Variants in PCBP4 observed in about 807,000 individuals in gnomAD.
PCBP4 encodes poly(rC)-binding protein 4.
A neutral mutation model predicts 46.2 loss-of-function variants in PCBP4; 24 were observed. The observed-to-expected ratio is 0.52, with a 90% confidence interval of 0.38 to 0.73. The LOEUF (loss-of-function observed/expected upper bound fraction) is 0.73. Ranked by LOEUF, PCBP4 falls within the 30% of genes least tolerant of loss-of-function variation. The probability of loss-of-function intolerance (pLI) is 0.00; values close to 1 mark genes in which losing one functional copy is unlikely to be tolerated. For synonymous variants in PCBP4, 203 were observed against 224.4 expected, an observed-to-expected ratio of 0.90 and a Z score of 0.85; for missense variants, 407 against 537.0, an observed-to-expected ratio of 0.76 and a Z score of 2.39.
chr3:51,962,272 G>A (rs1175508272), intron 1 of PCBP4, among the ~76,000 whole-genome samples, 184 bp from the exon 2 acceptor site: 1 of 152,186 alleles, frequency 6.6e-6, no homozygotes, highest in Admixed American at 6.5e-5. Flanking sequence ...CTGCGGGAAT[G>A]TCAAGGCCAT....
In PCBP4 at chr3:51,959,770, CTCA is replaced by C; in HGVS notation, c.516+122_517-120del. 1 of 1,467,030 alleles carries C rather than the reference CTCA, an allele frequency of 6.8e-7. No homozygotes were observed. The highest frequency in any genetic ancestry group is 2.3e-5 in the East Asian group (1 of 42,876). 90.9% of individuals were successfully genotyped at this position (1,467,030 alleles called of 1,614,324 possible). A position where few individuals can be genotyped will look rare whatever the true frequency, so the allele number is the denominator to read the frequency against. On this transcript the variant is annotated intron_variant, in intron 8 of 13. Coordinates refer to ENST00000461554, the MANE Select transcript of PCBP4 (RefSeq NM_001174100.2). The surrounding 1 kb of genome is among the most constrained non-coding windows in gnomAD (Gnocchi z 5.6). ...AGGGAAATGCACATGATCCCTGGAG[CTCA>C]TCATCCATCCCTGCAGCCCTGCCCT... is the stretch of plus-strand genomic sequence containing the variant.
intron 3 of PCBP4, 63 bp downstream of exon 3, chr3:51,961,097 G>A: frequency 6.2e-7 from 1 of 1,613,916 alleles, no homozygotes; most frequent in Non-Finnish European, 8.5e-7. Context: ...TCCCCACTGG[G>A]ATACCCAGTG....
intron 1 of PCBP4, chr3:51,963,141 G>A (rs1283433019): frequency 6.6e-6 from 1 of 152,274 alleles, no homozygotes; most frequent in African/African-American, 2.4e-5. Flanking sequence ...AAGGTGCTCA[G>A]AACATACTGA....
Position 51,960,758 on chromosome 3 carries a change from G to T in PCBP4, c.138+108C>A. On this transcript the variant is annotated intron_variant, in intron 5 of 13. Transcript: ENST00000461554. The surrounding 1 kb of genome is among the most constrained non-coding windows in gnomAD (Gnocchi z 5.0). ...GCAAGGCTCAAAACTGCCACCCTCT[G>T]GGGGACTCACTGGTCAGCCCAGAAG... 6.8e-7 allele frequency: 1 copy of T among 1,476,210 alleles called. No homozygotes were observed. The allele number at this position is 1,476,210 out of a possible 1,614,324, so 91.4% of individuals were successfully genotyped here.
In PCBP4 at chr3:51,958,258, G is replaced by A. The variant is rs201122844; in HGVS notation, c.1015C>T (p.Pro339Ser). ...APFSPPLTAL[P>S]TAPPGLLGTP... ...CCCAGCAGGCCAGGGGGAGCTGTGG[G>A]CAGGGCCGTCAGGGGTGGCGAGAAG... The change falls in exon 14 of 14, where the codon CCC becomes TCC. Residue 339 changes from proline to serine, a missense_variant. Coordinates refer to ENST00000461554, the MANE Select transcript of PCBP4 (RefSeq NM_001174100.2). This position sits in a 1 kb window ranked among gnomAD's most constrained non-coding sequence, Gnocchi z 5.4. The A allele has an allele frequency of 3.0e-5, 48 of 1,595,900 alleles. No homozygotes were observed. The highest frequency in any genetic ancestry group is 3.6e-5 in the Non-Finnish European group (42 of 1,172,148).
In PCBP4 at chr3:51,958,621, A is replaced by C. The variant is rs1009498850; in HGVS notation, c.923+169T>G. On this transcript the variant is annotated intron_variant, in intron 13 of 13. Coordinates refer to ENST00000461554, the MANE Select transcript of PCBP4 (RefSeq NM_001174100.2). This position sits in a 1 kb window ranked among gnomAD's most constrained non-coding sequence, Gnocchi z 5.4. ...TGGATATAGAGGGGGGAGATGGGGC[A>C]ACAGAGGGTGAATTAGGCAAAGACC... 6.6e-6 allele frequency among the ~76,000 whole-genome samples: 1 copy of C among 151,884 alleles called. No individual in the cohort carries two copies.
Sources: allele counts gnomAD v4.1 joint callset (sites outside exome capture counted in the v4.1 genomes callset), GRCh38; gene constraint gnomAD v4.1.1; non-coding constraint Gnocchi (gnomAD v3.1); transcripts MANE v1.5; gene names NCBI Gene and HGNC (gene_info 2026-07-23, HGNC 2026-07-21).